The following CPXM1 variants were observed in gnomAD, a reference collection of about 807,000 sequenced individuals.
CPXM1 encodes probable carboxypeptidase X1.
CPXM1 carries 72 observed loss-of-function variants against 80.4 expected under a neutral mutation model. The observed-to-expected ratio is 0.90, with a 90% confidence interval of 0.74 to 1.09. The LOEUF is 1.09. Ranked by LOEUF, CPXM1 falls within the 50% of genes least tolerant of loss-of-function variation. The pLI is 0.00. For synonymous variants in CPXM1, 403 were observed against 405.6 expected, an observed-to-expected ratio of 0.99 and a Z score of 0.08; for missense variants, 892 against 999.4, an observed-to-expected ratio of 0.89 and a Z score of 1.45.
rs1044998866 is a variant in CPXM1 at position 2,798,039 on chromosome 20, A to C, written c.610T>G (p.Tyr204Asp). The C allele has an allele frequency of 1.9e-6, 3 of 1,614,172 alleles. No homozygotes were observed. In the East Asian group the frequency reaches 6.7e-5, roughly 36 times the overall value. The change falls in exon 5 of 14, where the codon TAC (tyrosine) becomes GAC (aspartate). Residue 204 changes from tyrosine to aspartate, a missense_variant. Physicochemically the swap from Tyr to Asp is radical, Grantham distance 160. This residue lies in a region of CPXM1 where 874 missense variants were observed against 958.4 expected (regional missense o/e 0.91). Transcript: ENST00000380605. The stretch of plus-strand genomic sequence containing the variant: ...CTGTCATTGCTGAACTGGACCTTGT[A>C]TGATGTGACCCAGTCATACCTGGCA... The part of the protein sequence containing the change: ...SVWRYDWVTS[Y>D]KVQFSNDSRT...
chr20:2,796,638 C>T lies in CPXM1; in HGVS notation c.934G>A (p.Val312Ile), dbSNP rs754594614. The change falls in exon 8 of 14, where the codon GTA becomes ATA. Residue 312 changes from valine (V) to isoleucine (I), a missense_variant. By Grantham distance (29) the Val-to-Ile change is conservative. This residue lies in a region of CPXM1 where 874 missense variants were observed against 958.4 expected (regional missense o/e 0.91). Coordinates refer to ENST00000380605, the MANE Select transcript of CPXM1 (RefSeq NM_019609.5). The surrounding 1 kb of genome is among the most constrained non-coding windows in gnomAD (Gnocchi z 6.8). ...GTGATGTTGGGGCATTGCTCTTGTA[C>T]CTGCTTCATCAGCTGGTGGGCAGAG... ...YKAMRKLMKQVQEQCPNITRI... is the reference protein window; with the variant it reads ...YKAMRKLMKQIQEQCPNITRI... 3 of 1,614,118 alleles carry T rather than the reference C, an allele frequency of 1.9e-6. No individual in the cohort carries two copies. Among genetic ancestry groups the T allele is most frequent in the Admixed American group, 1.7e-5 (1 of 60,026 alleles).
Position 2,796,527 on chromosome 20 carries a change from C to T in CPXM1, c.1045G>A (p.Gly349Arg). ...CTCTCCCCACTCCCCATGCCAGTACCCAGCTCATGCTCCCCAGGCTTGTCC... is the reference window on the plus strand; with the variant it reads ...CTCTCCCCACTCCCCATGCCAGTACTCAGCTCATGCTCCCCAGGCTTGTCC... The part of the protein sequence containing the change: ...MSDKPGEHEL[G>R]EPEVRYVAGM... The change falls in exon 8 of 14, where the codon GGG (glycine) becomes AGG (arginine). Residue 349 changes from glycine to arginine, a missense_variant and splice_region_variant. Around this residue, in one of 2 missense-constraint regions of CPXM1, gnomAD observed 874 missense variants for 958.4 expected, o/e 0.91. Coordinates refer to ENST00000380605, the MANE Select transcript of CPXM1 (RefSeq NM_019609.5). The surrounding 1 kb of genome is among the most constrained non-coding windows in gnomAD (Gnocchi z 6.8). 1 of 1,614,134 alleles carries T rather than the reference C, an allele frequency of 6.2e-7. No homozygotes were observed. The highest frequency in any genetic ancestry group is 1.6e-4 in the Middle Eastern group (1 of 6,062).
Position 2,800,516 on chromosome 20 carries a change from C to A in CPXM1, c.57G>T (p.Leu19=). Residue 19 remains leucine, a synonymous_variant, in exon 1 of 14, where the codon CTG becomes CTT. Coordinates refer to ENST00000380605, the MANE Select transcript of CPXM1 (RefSeq NM_019609.5). ...AAFAPAVGPA[L]GAPRNSVLGL... ...CCAGCACCGAGTTCCTGGGCGCCCC[C>A]AGAGCCGGGCCGACGGCCGGCGCGA... 7.3e-7 allele frequency: 1 copy of A among 1,365,266 alleles called. No homozygotes were observed. Among genetic ancestry groups the A allele is most frequent in the South Asian group, 1.7e-5 (1 of 58,676 alleles). The allele number at this position is 1,365,266 out of a possible 1,614,324, so 84.6% of individuals were successfully genotyped here.
In CPXM1 at chr20:2,796,611, G is replaced by A. The variant is rs138560626; in HGVS notation, c.961C>T (p.Arg321Cys). The A allele has an allele frequency of 4.8e-5, 78 of 1,614,034 alleles. No individual in the cohort carries two copies. In the African/African-American group the frequency reaches 6.4e-4, roughly 13 times the overall value. ...TAGCTCTTCCCAATGCTGTAGATGC[G>A]GGTGATGTTGGGGCATTGCTCTTGT... ...QVQEQCPNIT[R>C]IYSIGKSYQG... The change falls in exon 8 of 14, where the codon CGC becomes TGC. Residue 321 changes from arginine (R) to cysteine (C), a missense_variant. Coordinates refer to ENST00000380605, the MANE Select transcript of CPXM1 (RefSeq NM_019609.5). This position sits in a 1 kb window ranked among gnomAD's most constrained non-coding sequence, Gnocchi z 6.8.
rs575117687 is a variant in CPXM1 at position 2,798,606 on chromosome 20, C to T, written c.341-69G>A. ...AGCCAGGGCAGGTGGGAAGCTGAGC[C>T]TAAGGTTGCTCCTGCGCTAGGCAAG... On this transcript the variant is annotated intron_variant, in intron 2 of 13. Coordinates refer to ENST00000380605, the MANE Select transcript of CPXM1 (RefSeq NM_019609.5). 13 of 1,561,430 alleles carry T rather than the reference C, an allele frequency of 8.3e-6. No individual in the cohort carries two copies. The Admixed American group carries it at 2.0e-4, about 25-fold the overall frequency.
In CPXM1 at chr20:2,794,119, C is replaced by T. The variant is rs556305738; in HGVS notation, c.*71G>A. 3.0e-5 allele frequency: 46 copies of T among 1,519,660 alleles called. 1 individual carries two copies. The East Asian group carries it at 9.1e-4, about 30-fold the overall frequency. 94.1% of individuals were successfully genotyped at this position (1,519,660 alleles called of 1,614,324 possible). On this transcript the variant is annotated 3_prime_UTR_variant, in exon 14 of 14. Transcript: ENST00000380605. This position sits in a 1 kb window ranked among gnomAD's most constrained non-coding sequence, Gnocchi z 5.2. ...ATGAGCACCTTTTCCTCACTTTGTC[C>T]CTCCCTCTCTACTCTTCCCCTTCCC... is the stretch of plus-strand genomic sequence containing the variant.
intron 1 of CPXM1, among the ~76,000 whole-genome samples, chr20:2,799,128 T>A (rs1261331266): frequency 1.3e-5 from 2 of 152,118 alleles, no homozygotes; most frequent in Non-Finnish European, 2.9e-5. Context: ...GCCTCCCCTG[T>A]GAACCTCTAA....
chr20:2,800,300 G>T, intron 1 of CPXM1, 101 bp downstream of exon 1: 2 of 1,061,714 alleles, frequency 1.9e-6, no homozygotes, highest in Non-Finnish European at 2.6e-6. Flanking sequence ...GAGTGTGCGT[G>T]GGTGTGCGTG....
chr20:2,797,446 A>G lies in CPXM1; in HGVS notation c.682-104T>C, dbSNP rs950806853. The G allele has an allele frequency of 4.8e-6, 6 of 1,253,618 alleles. No homozygotes were observed. In the African/African-American group the frequency reaches 9.1e-5, roughly 19 times the overall value. 77.7% of individuals were successfully genotyped at this position (1,253,618 alleles called of 1,614,324 possible). On this transcript the variant is annotated intron_variant, in intron 5 of 13. Coordinates refer to ENST00000380605, the MANE Select transcript of CPXM1 (RefSeq NM_019609.5). ...TCCAAGCTTACTGTCTCCCCACCCT[A>G]GTGGGCTCAGCTAGAGACTTGCACT... is the stretch of plus-strand genomic sequence containing the variant.
In CPXM1 at chr20:2,797,874, C is replaced by T. The variant is rs552179217; in HGVS notation, c.681+94G>A. 43 of 1,137,858 alleles carry T rather than the reference C, an allele frequency of 3.8e-5. No homozygotes were observed. The East Asian group carries it at 7.7e-4, about 21-fold the overall frequency. The allele number at this position is 1,137,858 out of a possible 1,614,324, so 70.5% of individuals were successfully genotyped here. ...CACCCCCCTGGGAAGCCTAAGCTGG[C>T]GTCTATTCCTTGTCCTCAGAGGAGC... is the stretch of plus-strand genomic sequence containing the variant. On this transcript the variant is annotated intron_variant, in intron 5 of 13. Coordinates refer to ENST00000380605, the MANE Select transcript of CPXM1 (RefSeq NM_019609.5).
In CPXM1 at chr20:2,796,649, A is replaced by G; in HGVS notation, c.923T>C (p.Leu308Pro). The G allele has an allele frequency of 1.9e-6, 3 of 1,614,044 alleles. No individual in the cohort carries two copies. In the East Asian group the frequency reaches 6.7e-5, roughly 36 times the overall value. ...QHHNYKAMRK[L>P]MKQVQEQCPN... ...GCATTGCTCTTGTACCTGCTTCATC[A>G]GCTGGTGGGCAGAGTGTAGCGTGGC... Residue 308 changes from leucine to proline, a missense_variant and splice_region_variant, in exon 8 of 14, where the codon CTG (leucine) becomes CCG (proline). Transcript: ENST00000380605. This position sits in a 1 kb window ranked among gnomAD's most constrained non-coding sequence, Gnocchi z 6.8.
In CPXM1 at chr20:2,795,180, C is replaced by A. The variant is rs769575025; in HGVS notation, c.1860+97G>T. The A allele has an allele frequency of 2.1e-6, 3 of 1,420,948 alleles. No homozygotes were observed. Among genetic ancestry groups the A allele is most frequent in the South Asian group, 1.3e-5 (1 of 76,102 alleles). The allele number at this position is 1,420,948 out of a possible 1,614,324, so 88.0% of individuals were successfully genotyped here. A position where few individuals can be genotyped will look rare whatever the true frequency, so the allele number is the denominator to read the frequency against. On this transcript the variant is annotated intron_variant, in intron 12 of 13. Transcript: ENST00000380605. This position sits in a 1 kb window ranked among gnomAD's most constrained non-coding sequence, Gnocchi z 5.4. ...CCATGGCATCTTGTGAGTCTGAATGCTCAGCTGGACCTTAGAAGAACCCCT... is the reference window on the plus strand; with the variant it reads ...CCATGGCATCTTGTGAGTCTGAATGATCAGCTGGACCTTAGAAGAACCCCT...
rs768593573 is a variant in CPXM1 at position 2,798,221 on chromosome 20, A to C, written c.521T>G (p.Phe174Cys). 6.2e-7 allele frequency: 1 copy of C among 1,614,002 alleles called. No homozygotes were observed. Among genetic ancestry groups the C allele is most frequent in the Non-Finnish European group, 8.5e-7 (1 of 1,180,008 alleles). ...GGTGGGGTGCCCAGCGTCCACCTGA[A>C]ACCATGGATCGGCGTCCTGCTCCTC... ...CAEEQDADPW[F>C]QVDAGHPTRF... Residue 174 changes from phenylalanine (F) to cysteine (C), a missense_variant, in exon 4 of 14, where the codon TTT (phenylalanine) becomes TGT (cysteine). Phe to Cys is a radical substitution (Grantham distance 205, BLOSUM62 -2). Transcript: ENST00000380605.
Position 2,794,267 on chromosome 20 carries a change from C to T in CPXM1, c.2128G>A (p.Glu710Lys), listed in dbSNP as rs772952723. 149 of 1,613,930 alleles carry T rather than the reference C, an allele frequency of 9.2e-5. No individual in the cohort carries two copies. Among genetic ancestry groups the T allele is most frequent in the Admixed American group, 3.3e-5 (2 of 60,004 alleles). Residue 710 changes from glutamate to lysine, a missense_variant, in exon 14 of 14, where the codon GAG (glutamate) becomes AAG (lysine). Glu to Lys is a moderately conservative substitution (Grantham distance 56, BLOSUM62 1). Transcript: ENST00000380605. This position sits in a 1 kb window ranked among gnomAD's most constrained non-coding sequence, Gnocchi z 5.2. Reference protein sequence around the residue: ...LTKTPKQRLRELLAAGAKVPP... With the variant: ...LTKTPKQRLRKLLAAGAKVPP... The stretch of plus-strand genomic sequence containing the variant: ...ACCTTGGCCCCAGCTGCCAGCAGCT[C>T]GCGCAGCCTCTGTTTGGGAGTCTTG...
Position 2,794,163 on chromosome 20 carries a change from T to G in CPXM1, c.*27A>C. Reference sequence around the variant, plus strand: ...CCTTCCCGTCTTGACAGGTCCAGCCTGCCCTAGGGCTCTTAAACCGCAGGT... The same window carrying G: ...CCTTCCCGTCTTGACAGGTCCAGCCGGCCCTAGGGCTCTTAAACCGCAGGT... On this transcript the variant is annotated 3_prime_UTR_variant, in exon 14 of 14. Transcript: ENST00000380605. The surrounding 1 kb of genome is among the most constrained non-coding windows in gnomAD (Gnocchi z 5.2). 1 of 1,584,288 alleles carries G rather than the reference T, an allele frequency of 6.3e-7. No individual in the cohort carries two copies. Among genetic ancestry groups the G allele is most frequent in the Non-Finnish European group, 8.6e-7 (1 of 1,164,864 alleles).
rs1004487590 is a variant in CPXM1 at position 2,795,260 on chromosome 20, C to T, written c.1860+17G>A. ...GGAGTGATTCAGGCAGGCTGGGGGC[C>T]GGGACGCAGATCCGACCTGCTCCAG... On this transcript the variant is annotated intron_variant, in intron 12 of 13. Transcript: ENST00000380605. This position sits in a 1 kb window ranked among gnomAD's most constrained non-coding sequence, Gnocchi z 5.4. The T allele has an allele frequency of 6.8e-6, 11 of 1,610,002 alleles. No individual in the cohort carries two copies. The highest frequency in any genetic ancestry group is 1.8e-4 in the Middle Eastern group (1 of 5,434).
Sources: allele counts gnomAD v4.1 joint callset (sites outside exome capture counted in the v4.1 genomes callset), GRCh38; gene constraint gnomAD v4.1.1; regional missense constraint gnomAD v4.1.1; non-coding constraint Gnocchi (gnomAD v3.1); transcripts MANE v1.5; gene names NCBI Gene and HGNC (gene_info 2026-07-23, HGNC 2026-07-21).